Variants in ANK1 observed in about 807,000 individuals in gnomAD.
The protein encoded by ANK1 is ankyrin-1.
A neutral mutation model predicts 210.4 loss-of-function variants in ANK1; 51 were observed. The ratio of observed to expected loss-of-function variants is 0.24; its 90% CI spans 0.19 to 0.31. The LOEUF is 0.31. Among genes scored for constraint, ANK1 ranks in the 10% least tolerant of loss-of-function variants. The pLI, the probability that ANK1 is intolerant of heterozygous loss-of-function variation, is 1.00. For missense variants in ANK1, 2,051 were observed against 2,504.4 expected, an observed-to-expected ratio of 0.82 and a Z score of 3.86; for synonymous variants, 967 against 1,025.9, an observed-to-expected ratio of 0.94 and a Z score of 1.10.
intron 1 of ANK1, among the ~76,000 whole-genome samples, chr8:41,868,423 A>G (rs1479400079): frequency 6.6e-6 from 1 of 152,216 alleles, no homozygotes; most frequent in African/African-American, 2.4e-5. Flanking sequence ...CCAGTTCAGA[A>G]CCACTGCACC....
intron 1 of ANK1, among the ~76,000 whole-genome samples, chr8:41,837,823 A>T (rs1293933900): frequency 1.3e-5 from 2 of 152,184 alleles, no homozygotes; most frequent in Non-Finnish European, 2.9e-5. Context: ...GTGAGCTGAG[A>T]TCACACCATT....
At chr8:41,772,301 T>C (rs1408845734) in intron 1 of ANK1, among the ~76,000 whole-genome samples, 1 of 152,222 alleles carries the variant, frequency 6.6e-6, no homozygotes, top group Non-Finnish European at 1.5e-5. Context: ...TGAGCATTGA[T>C]TTCTTCATCA....
At chr8:41,865,825 T>C (rs1814322310) in intron 1 of ANK1, among the ~76,000 whole-genome samples, 1 of 151,994 alleles carries the variant, frequency 6.6e-6, no homozygotes, top group Non-Finnish European at 1.5e-5. Flanking sequence ...CCTAATCGCC[T>C]CCATCCCCTC....
upstream of ANK1, among the ~76,000 whole-genome samples, chr8:41,802,578 A>G (rs577764113): frequency 1.6e-4 from 24 of 152,242 alleles, no homozygotes; most frequent in South Asian, 4.6e-3. Context: ...TACATTTTAT[A>G]ATAAATTTTA....
At chr8:41,872,481 C>A (rs1224940093) in intron 1 of ANK1, among the ~76,000 whole-genome samples, 2 of 152,226 alleles carry the variant, frequency 1.3e-5, no homozygotes, top group Non-Finnish European at 1.5e-5. Context: ...AATCTAGCCC[C>A]AATTCCAGAC....
Position 41,693,888 on chromosome 8 carries a change from C to T in ANK1, c.3532+10G>A, listed in dbSNP as rs766646963. 14 of 1,598,792 alleles carry T rather than the reference C, an allele frequency of 8.8e-6. No individual in the cohort carries two copies. The highest frequency in any genetic ancestry group is 1.1e-5 in the Non-Finnish European group (13 of 1,173,500). ...GCCGAGAACAGAAGCGAGGCAGGGGCCCCTCTCACCAATGACGCTGCAAAG... is the reference window on the plus strand; with the variant it reads ...GCCGAGAACAGAAGCGAGGCAGGGGTCCCTCTCACCAATGACGCTGCAAAG... On this transcript the variant is annotated intron_variant, in intron 29 of 42. Coordinates refer to ENST00000289734, the MANE Select transcript of ANK1 (RefSeq NM_000037.4).
chr8:41,744,116 C>T (rs1469936635), intron 2 of ANK1, among the ~76,000 whole-genome samples: 3 of 152,146 alleles, frequency 2.0e-5, no homozygotes, highest in South Asian at 2.1e-4. Flanking sequence ...CTTTTATTGG[C>T]CCAGCTTAGA....
At chr8:41,693,764 A>G (rs1819983266) in intron 29 of ANK1, 134 bp downstream of exon 29, 1 of 997,250 alleles carries the variant, frequency 1.0e-6, no homozygotes, top group Admixed American at 2.1e-5. Context: ...ATCTCTTGGA[A>G]GAGCACCTCA....
intron 1 of ANK1, among the ~76,000 whole-genome samples, chr8:41,762,055 A>G (rs1360015233): frequency 6.6e-6 from 1 of 152,094 alleles, no homozygotes; most frequent in East Asian, 1.9e-4. Context: ...TGGGCCCCCT[A>G]TGATGTAAGC....
intron 36 of ANK1, among the ~76,000 whole-genome samples, chr8:41,685,398 A>G (rs553129807): frequency 3.1e-4 from 47 of 152,292 alleles, no homozygotes; most frequent in African/African-American, 1.1e-3. Context: ...ATTTCCACTT[A>G]GTGTTTTTGA....
intron 1 of ANK1, among the ~76,000 whole-genome samples, chr8:41,859,942 T>C (rs1262652970): frequency 6.6e-6 from 1 of 152,004 alleles, no homozygotes; most frequent in Non-Finnish European, 1.5e-5. Context: ...CAGTTCTCTG[T>C]TGACCTCTGC....
chr8:41,756,173 C>A (rs1034139813), intron 2 of ANK1, among the ~76,000 whole-genome samples: 1 of 152,042 alleles, frequency 6.6e-6, no homozygotes, highest in East Asian at 1.9e-4. Context: ...GACAGAGTTT[C>A]ACTCTGTTGC....
chr8:41,712,560 A>T (rs961539062), intron 16 of ANK1, among the ~76,000 whole-genome samples: 1 of 152,198 alleles, frequency 6.6e-6, no homozygotes, highest in Admixed American at 6.5e-5. Flanking sequence ...CGGAGAGGGG[A>T]GGGAGGAATG....
At chr8:41,703,450 A>ATATTTTT (rs59985416) in intron 20 of ANK1, among the ~76,000 whole-genome samples, 16 of 58,818 alleles carry the variant, frequency 2.7e-4, no homozygotes, top group African/African-American at 9.0e-4. Context: ...ATATATATAT[A>ATATTTTT]TTTTTTTTTT....
At chr8:41,730,199 C>T (rs1031957329) in intron 3 of ANK1, among the ~76,000 whole-genome samples, 5 of 152,274 alleles carry the variant, frequency 3.3e-5, no homozygotes, top group Non-Finnish European at 5.9e-5. Context: ...GTGTGGCCCC[C>T]CAGCCGCTGC....
chr8:41,836,749 TA>T lies in ANK1; in HGVS notation c.126+59605del, dbSNP rs1030372889. Among the ~76,000 whole-genome samples, 283 of 149,926 alleles carry T rather than the reference TA, an allele frequency of 1.9e-3. 2 individuals are homozygous for T. Among genetic ancestry groups the T allele is most frequent in the African/African-American group, 6.5e-3 (266 of 40,978 alleles). ...CAACATAGTGAGACTCCTGTCTCTA[TA>T]AAAAAAAAATTTTGTTTTAATTAGC... On this transcript the variant is annotated intron_variant, in intron 1 of 42. Coordinates refer to the ANK1 transcript ENST00000265709.
chr8:41,691,567 C>A (rs982495771), intron 31 of ANK1, among the ~76,000 whole-genome samples: 4 of 152,166 alleles, frequency 2.6e-5, no homozygotes, highest in Admixed American at 1.3e-4. Flanking sequence ...CTCTTAGGAT[C>A]GGTAACTGGT....
intron 2 of ANK1, among the ~76,000 whole-genome samples, chr8:41,734,680 C>A (rs1832997796): frequency 6.6e-6 from 1 of 151,654 alleles, no homozygotes; most frequent in South Asian, 2.1e-4. Context: ...TTGCTTGAGC[C>A]CAGGATTTTG....
intron 2 of ANK1, among the ~76,000 whole-genome samples, chr8:41,756,627 G>T (rs571658313): frequency 6.6e-6 from 1 of 152,268 alleles, no homozygotes; most frequent in African/African-American, 2.4e-5. Flanking sequence ...ACTTTTAATA[G>T]AGATGGGGTT....
Sources: gnomAD v4.1 joint callset for allele counts (sites outside exome capture counted in the v4.1 genomes callset) on GRCh38, gnomAD v4.1.1 for gene constraint, MANE v1.5 for transcripts, NCBI Gene and HGNC (gene_info 2026-07-23, HGNC 2026-07-21) for gene names.